Variants in NUP98 observed in about 807,000 individuals in gnomAD.
The protein encoded by NUP98 is nucleoporin 98 and 96 precursor.
In NUP98, 26 loss-of-function variants were observed where a neutral mutation model predicts 191.9. The observed-to-expected ratio is 0.14, with a 90% CI of 0.10 to 0.19. NUP98 has a LOEUF of 0.19. Ranked by LOEUF, NUP98 falls within the 10% of genes least tolerant of loss-of-function variation. NUP98 has a pLI of 1.00. For synonymous variants in NUP98, 808 were observed against 778.4 expected (o/e 1.04, Z -0.63); for missense variants, 1,941 against 2,178.8 (o/e 0.89, Z 2.17).
intron 10 of NUP98, among the ~76,000 whole-genome samples, chr11:3,757,490 A>C (rs960748211): frequency 3.3e-5 from 5 of 150,884 alleles, no homozygotes; most frequent in African/African-American, 4.9e-5. Context: ...CTCCCCAAAA[A>C]ACAAACAAAA....
In NUP98 at chr11:3,753,342, G is replaced by T; in HGVS notation, c.1241C>A (p.Thr414Asn). 1 of 1,614,046 alleles carries T rather than the reference G, an allele frequency of 6.2e-7. No homozygotes were observed. The highest frequency in any genetic ancestry group is 8.5e-7 in the Non-Finnish European group (1 of 1,179,960). Residue 414 changes from threonine to asparagine, a missense_variant, in exon 11 of 33, where the codon ACT becomes AAT. By Grantham distance (65) the Thr-to-Asn change is moderately conservative (BLOSUM62 0). Coordinates refer to ENST00000324932, the MANE Select transcript of NUP98 (RefSeq NM_016320.5). ...TGTTCCAAATCCTGCACCAAGCCCA[G>T]TTCCAAGAGTCCCAGGTGCTGGTTT... is the stretch of plus-strand genomic sequence containing the variant. ...GSKPAPGTLGTGLGAGFGTAL... is the reference protein window; with the variant it reads ...GSKPAPGTLGNGLGAGFGTAL...
intron 31 of NUP98, chr11:3,676,853 G>C (rs2133990981): frequency 1.6e-6 from 1 of 622,536 alleles, no homozygotes; most frequent in Non-Finnish European, 2.9e-6. Context: ...GAAAAGTCTT[G>C]AGATCCCGAA....
chr11:3,716,511 G>C (rs911421764), intron 18 of NUP98, among the ~76,000 whole-genome samples: 1 of 151,740 alleles, frequency 6.6e-6, no homozygotes, highest in East Asian at 1.9e-4. Context: ...TTTGAGACCG[G>C]CTGGGCAGGC....
At chr11:3,692,113 T>C (rs2078330635) in intron 27 of NUP98, among the ~76,000 whole-genome samples, 1 of 152,116 alleles carries the variant, frequency 6.6e-6, no homozygotes, top group African/African-American at 2.4e-5. Context: ...CCCTCGAACC[T>C]TGTGAAGATA....
intron 13 of NUP98, among the ~76,000 whole-genome samples, chr11:3,734,830 A>T (rs1183276618): frequency 6.6e-6 from 1 of 152,134 alleles, no homozygotes; most frequent in East Asian, 1.9e-4. Flanking sequence ...ACGTTGGGAG[A>T]CCGAGGCGGG....
rs1393685504 is a variant in NUP98 at position 3,705,225 on chromosome 11, G to C, written c.3057C>G (p.Ser1019=). The C allele has an allele frequency of 6.2e-7, 1 of 1,614,048 alleles. No individual in the cohort carries two copies. The highest frequency in any genetic ancestry group is 2.2e-5 in the East Asian group (1 of 44,896). Residue 1019 remains serine (S), a synonymous_variant, in exon 22 of 33, where the codon TCC becomes TCG. Coordinates refer to ENST00000324932, the MANE Select transcript of NUP98 (RefSeq NM_016320.5). ...ICSPRLPISA[S]HSSKTRSLVG... ...CTAGTGAACGAGTTTTCGACGAGTG[G>C]GATGCTGAAATGGGGAGTCTGGGAG...
chr11:3,720,956 C>T, intron 16 of NUP98, 131 bp from the exon 17 acceptor site: 1 of 525,464 alleles, frequency 1.9e-6, no homozygotes, highest in Non-Finnish European at 3.4e-6. Flanking sequence ...AACATGATTC[C>T]TAGGAGAAGG....
At chr11:3,693,074 T>C (rs943831527) in intron 27 of NUP98, 158 bp downstream of exon 27, 7 of 686,346 alleles carry the variant, frequency 1.0e-5, no homozygotes, top group African/African-American at 1.8e-5. Flanking sequence ...TGGAATCTCA[T>C]GATATTTAAT....
Position 3,725,228 on chromosome 11 carries a change from A to C in NUP98, c.1731-9T>G. On this transcript the variant is annotated splice_polypyrimidine_tract_variant and intron_variant, in intron 14 of 32. Coordinates refer to ENST00000324932, the MANE Select transcript of NUP98 (RefSeq NM_016320.5). Reference sequence around the variant, plus strand: ...ACTTCTTAATGCTCTTCCTATAAACAAGAAACCAAAAGAAGAAGAAAAAAA... The same window carrying C: ...ACTTCTTAATGCTCTTCCTATAAACCAGAAACCAAAAGAAGAAGAAAAAAA... 7.8e-7 allele frequency: 1 copy of C among 1,289,942 alleles called. No individual in the cohort carries two copies. 79.9% of individuals were successfully genotyped at this position (1,289,942 alleles called of 1,614,324 possible).
intron 12 of NUP98, 102 bp from the exon 13 acceptor site, chr11:3,735,426 G>C: frequency 1.7e-6 from 1 of 572,826 alleles, no homozygotes; most frequent in Non-Finnish European, 2.5e-6. Context: ...TGAAGAAGTG[G>C]TCTTCAAAAT....
In NUP98 at chr11:3,691,356, T is replaced by C. The variant is rs2078304263; in HGVS notation, c.4445A>G (p.Tyr1482Cys). The C allele has an allele frequency of 1.2e-6, 2 of 1,614,006 alleles. No individual in the cohort carries two copies. The highest frequency in any genetic ancestry group is 1.3e-5 in the African/African-American group (1 of 74,914). ...RDVCFHLLKLYSDRHYDLNQL... is the reference protein window; with the variant it reads ...RDVCFHLLKLCSDRHYDLNQL... ...CCTGGCTCTCATTTACCTGTCACTG[T>C]AGAGTTTTAGAAGGTGAAAGCAGAC... The change falls in exon 28 of 33, where the codon TAC becomes TGC. Residue 1482 changes from tyrosine (Y) to cysteine (C), a missense_variant. Tyr to Cys is a radical substitution (Grantham distance 194). This residue lies in a region of NUP98 where 1,030 missense variants were observed against 1,115.8 expected (regional missense o/e 0.92). Coordinates refer to ENST00000324932, the MANE Select transcript of NUP98 (RefSeq NM_016320.5).
At chr11:3,721,548 A>C (rs1421152608) in intron 16 of NUP98, among the ~76,000 whole-genome samples, 2 of 151,936 alleles carry the variant, frequency 1.3e-5, no homozygotes, top group Non-Finnish European at 2.9e-5. Flanking sequence ...AAAATACAAA[A>C]ATTAGCTGGG....
chr11:3,745,564 T>A (rs976210623), intron 11 of NUP98, among the ~76,000 whole-genome samples: 2 of 152,128 alleles, frequency 1.3e-5, no homozygotes, highest in Non-Finnish European at 2.9e-5. Flanking sequence ...TTAAAAAAAA[T>A]TCCATTCAAT....
At chr11:3,682,726 A>C (rs2078018149) in intron 30 of NUP98, among the ~76,000 whole-genome samples, 1 of 152,232 alleles carries the variant, frequency 6.6e-6, no homozygotes. Context: ...ACAGAGACAG[A>C]CATGAAGTAA....
chr11:3,770,150 GCCTGGC>G (rs1564908514), intron 7 of NUP98, among the ~76,000 whole-genome samples: 18 of 151,844 alleles, frequency 1.2e-4, no homozygotes, highest in African/African-American at 4.3e-4. Flanking sequence ...TTCGAGACCA[GCCTGGC>G]CAACATGGTG....
intron 28 of NUP98, among the ~76,000 whole-genome samples, chr11:3,686,583 CCTTTT>C (rs2078140240): frequency 6.6e-6 from 1 of 152,104 alleles, no homozygotes; most frequent in African/African-American, 2.4e-5. Context: ...TTTGAAGTAT[CCTTTT>C]CTTTCTTTCT....
At chr11:3,751,669 G>T (rs886595233) in intron 11 of NUP98, among the ~76,000 whole-genome samples, 5 of 152,062 alleles carry the variant, frequency 3.3e-5, no homozygotes, top group Non-Finnish European at 7.4e-5. Flanking sequence ...GACCAGCCTG[G>T]GCAAAACAGG....
intron 30 of NUP98, among the ~76,000 whole-genome samples, chr11:3,682,711 G>A (rs1371122556): frequency 6.6e-6 from 1 of 152,180 alleles, no homozygotes; most frequent in Non-Finnish European, 1.5e-5. Flanking sequence ...CCACCAAAAT[G>A]TGAAACAGAG....
At chr11:3,756,856 G>A (rs955776846) in intron 10 of NUP98, among the ~76,000 whole-genome samples, 23 of 151,476 alleles carry the variant, frequency 1.5e-4, no homozygotes, top group Non-Finnish European at 3.1e-4. Context: ...GGGAGGCCGA[G>A]GTGAGCGGAT....
Sources: allele counts gnomAD v4.1 joint callset (sites outside exome capture counted in the v4.1 genomes callset), GRCh38; gene constraint gnomAD v4.1.1; regional missense constraint gnomAD v4.1.1; transcripts MANE v1.5; gene names NCBI Gene and HGNC (gene_info 2026-07-23, HGNC 2026-07-21).